GSG1L: variants seen among roughly 807,000 people sequenced by gnomAD.
GSG1L encodes the protein GSG1 like.
A neutral mutation model predicts 42.1 loss-of-function variants in GSG1L; 24 were observed. The ratio of observed to expected loss-of-function variants is 0.57; its 90% CI spans 0.41 to 0.80. GSG1L has a LOEUF of 0.80. Ranked by LOEUF, GSG1L falls within the 30% of genes least tolerant of loss-of-function variation. The probability of loss-of-function intolerance (pLI) is 0.00; values close to 1 mark genes in which losing one functional copy is unlikely to be tolerated. For missense variants in GSG1L, 445 were observed against 472.2 expected (o/e 0.94, Z 0.53); for synonymous variants, 215 against 203.5 (o/e 1.06, Z -0.48).
chr16:27,848,593 G>A (rs1373125072), intron 3 of GSG1L, among the ~76,000 whole-genome samples: 2 of 152,160 alleles, frequency 1.3e-5, no homozygotes, highest in African/African-American at 4.8e-5. Flanking sequence ...TGCTCTTAAC[G>A]GGCATGGGTT....
chr16:27,845,087 C>T lies in GSG1L; in HGVS notation c.551-26G>A, dbSNP rs201833994. ...CTGTGGGGCAGAGAGCAGAGCAAAG[C>T]GTCAGGAAGTAAGGAAGGGCTTTGT... On this transcript the variant is annotated intron_variant, in intron 3 of 6. Transcript: ENST00000447459. 577 of 1,519,798 alleles carry T rather than the reference C, an allele frequency of 3.8e-4. 1 individual carries two copies. In the Middle Eastern group the frequency reaches 5.1e-3, roughly 13 times the overall value. The allele number at this position is 1,519,798 out of a possible 1,614,324, so 94.1% of individuals were successfully genotyped here. A position where few individuals can be genotyped will look rare whatever the true frequency, so the allele number is the denominator to read the frequency against.
intron 2 of GSG1L, among the ~76,000 whole-genome samples, chr16:27,919,084 C>A (rs1322137765): frequency 1.3e-5 from 2 of 152,188 alleles, no homozygotes; most frequent in African/African-American, 4.8e-5. Context: ...TTGTCTGATT[C>A]CATCATGAGC....
chr16:27,896,735 T>C (rs927945291), intron 2 of GSG1L, among the ~76,000 whole-genome samples: 5 of 151,980 alleles, frequency 3.3e-5, no homozygotes, highest in African/African-American at 1.2e-4. Flanking sequence ...AAAGCAGAGG[T>C]TGCAGTGATG....
chr16:28,001,839 G>A (rs1359199683), intron 1 of GSG1L, among the ~76,000 whole-genome samples: 1 of 152,204 alleles, frequency 6.6e-6, no homozygotes, highest in Non-Finnish European at 1.5e-5. Flanking sequence ...ACCACTCCGT[G>A]CAGCCTGGCA....
At position 27,825,769 on chromosome 16, in the gene GSG1L, C is replaced by T. The variant is rs1380500375; in HGVS notation, c.830+3020G>A. Reference sequence around the variant, plus strand: ...GGGACAGTACCCCTAATAATGTCCTCATGATAGGGAGTTCTCATGAGATCT... The same window carrying T: ...GGGACAGTACCCCTAATAATGTCCTTATGATAGGGAGTTCTCATGAGATCT... On this transcript the variant is annotated intron_variant, in intron 5 of 6. Transcript: ENST00000447459. Among the ~76,000 whole-genome samples the T allele has an allele frequency of 2.6e-5, 4 of 152,088 alleles. 1 individual carries two copies. Among genetic ancestry groups the T allele is most frequent in the Non-Finnish European group, 5.9e-5 (4 of 68,034 alleles).
intron 1 of GSG1L, among the ~76,000 whole-genome samples, chr16:27,990,730 A>G (rs954547268): frequency 2.0e-5 from 3 of 152,212 alleles, no homozygotes; most frequent in Admixed American, 1.3e-4. Context: ...CTAAATCCAG[A>G]CCTTTAAAAG....
At chr16:27,815,166 T>C (rs909695300) in intron 5 of GSG1L, among the ~76,000 whole-genome samples, 3 of 152,188 alleles carry the variant, frequency 2.0e-5, no homozygotes, top group African/African-American at 4.8e-5. Flanking sequence ...ATTTGTCCCC[T>C]CTAAATCTTA....
intron 1 of GSG1L, among the ~76,000 whole-genome samples, chr16:27,997,713 C>T (rs1386537092): frequency 6.6e-6 from 1 of 151,696 alleles, no homozygotes; most frequent in Non-Finnish European, 1.5e-5. Context: ...TATTTCAGTG[C>T]TTTAGGGGTA....
chr16:27,884,614 G>C lies in GSG1L; in HGVS notation c.422C>G (p.Ser141Cys). 1 of 1,598,052 alleles carries C rather than the reference G, an allele frequency of 6.3e-7. No homozygotes were observed. The highest frequency in any genetic ancestry group is 8.5e-7 in the Non-Finnish European group (1 of 1,172,242). ...EKGVLWLSVV[S>C]EVLYILLLVV... ...CAGCAGCAGAATGTACAGCACCTCG[G>C]AGACCACAGACAGCCACAGGACCCC... The change falls in exon 3 of 7, where the codon TCC (serine) becomes TGC (cysteine). Residue 141 changes from serine (S) to cysteine (C), a missense_variant. Physicochemically the swap from Ser to Cys is moderately radical, Grantham distance 112. This residue lies in a region of GSG1L where 149 missense variants were observed against 223.3 expected (regional missense o/e 0.67). Coordinates refer to ENST00000447459, the MANE Select transcript of GSG1L (RefSeq NM_001109763.2). This position sits in a 1 kb window ranked among gnomAD's most constrained non-coding sequence, Gnocchi z 4.4.
At chr16:27,805,870 G>A (rs2082955627) in intron 6 of GSG1L, among the ~76,000 whole-genome samples, 2 of 151,766 alleles carry the variant, frequency 1.3e-5, no homozygotes, top group African/African-American at 2.4e-5. Context: ...GGGCCACAGT[G>A]CCTTGACTCT....
intron 1 of GSG1L, among the ~76,000 whole-genome samples, chr16:28,005,896 T>C (rs900086254): frequency 6.6e-6 from 1 of 152,252 alleles, no homozygotes; most frequent in Non-Finnish European, 1.5e-5. Flanking sequence ...AATATGTTAC[T>C]TTACAAAACA....
chr16:27,812,380 G>C lies in GSG1L; in HGVS notation c.831-4826C>G, dbSNP rs74013529. ...GTCCAGGGGTTGGTGAACGTTTGCT[G>C]TAAAGGCTCAGACAGTAAATATGTG... On this transcript the variant is annotated intron_variant, in intron 5 of 6. Coordinates refer to ENST00000447459, the MANE Select transcript of GSG1L (RefSeq NM_001109763.2). 5.5e-3 allele frequency among the ~76,000 whole-genome samples: 844 copies of C among 152,346 alleles called. 11 individuals carry two copies. The highest frequency in any genetic ancestry group is 0.018 in the African/African-American group (767 of 41,582).
At chr16:27,859,103 C>A (rs1046179731) in intron 3 of GSG1L, among the ~76,000 whole-genome samples, 28 of 152,208 alleles carry the variant, frequency 1.8e-4, no homozygotes, top group African/African-American at 6.7e-4. Flanking sequence ...TGAGGAGCCA[C>A]GAGACGGTCT....
At chr16:27,992,475 A>G (rs1272880699) in intron 1 of GSG1L, among the ~76,000 whole-genome samples, 1 of 149,456 alleles carries the variant, frequency 6.7e-6, no homozygotes, top group East Asian at 2.0e-4. Context: ...AGCCTGGGCA[A>G]CAAGAGTGAA....
intron 2 of GSG1L, among the ~76,000 whole-genome samples, chr16:27,895,927 T>G (rs12446123): frequency 0.066 from 10,091 of 152,216 alleles, 643 homozygotes; most frequent in East Asian, 0.16. Flanking sequence ...GGCCTGGAGA[T>G]GACTGTTTTC....
intron 1 of GSG1L, among the ~76,000 whole-genome samples, chr16:27,968,493 C>T (rs1016167143): frequency 2.6e-5 from 4 of 152,174 alleles, no homozygotes; most frequent in Admixed American, 6.5e-5. Context: ...TCACGCAATT[C>T]TCCTGCATCA....
At chr16:28,032,105 G>A (rs868083945) in intron 1 of GSG1L, among the ~76,000 whole-genome samples, 3 of 152,170 alleles carry the variant, frequency 2.0e-5, no homozygotes, top group Non-Finnish European at 4.4e-5. Context: ...AGACAGCTCC[G>A]GCTCTTTTAC....
rs545981813 is a variant in GSG1L at position 27,811,296 on chromosome 16, G to A, written c.831-3742C>T. Among the ~76,000 whole-genome samples the A allele has an allele frequency of 2.6e-5, 4 of 152,258 alleles. No individual in the cohort carries two copies. The South Asian group carries it at 6.2e-4, about 24-fold the overall frequency. On this transcript the variant is annotated intron_variant, in intron 5 of 6. Transcript: ENST00000447459. ...TTTTTTCTTATAGCTGTATATAAAAGAGTAATTAATATTCAATACCCCCAT... is the reference window on the plus strand; with the variant it reads ...TTTTTTCTTATAGCTGTATATAAAAAAGTAATTAATATTCAATACCCCCAT...
chr16:27,868,233 C>T (rs2083757195), intron 3 of GSG1L, among the ~76,000 whole-genome samples: 1 of 152,250 alleles, frequency 6.6e-6, no homozygotes, highest in Admixed American at 6.5e-5. Flanking sequence ...ATGACAGGGG[C>T]CTGCCCCATC....
Sources: gnomAD v4.1 joint callset for allele counts (sites outside exome capture counted in the v4.1 genomes callset) on GRCh38, gnomAD v4.1.1 for gene constraint, gnomAD v4.1.1 regional missense constraint, Gnocchi (gnomAD v3.1) non-coding constraint, MANE v1.5 for transcripts, NCBI Gene and HGNC (gene_info 2026-07-23, HGNC 2026-07-21) for gene names.